TNS3: variants seen among roughly 807,000 people sequenced by gnomAD.
TNS3 encodes tensin-3.
Under a neutral mutation model 140.9 loss-of-function variants are expected in TNS3, and 45 were observed. That is an observed-to-expected ratio of 0.32 (90% CI 0.25 to 0.41). The LOEUF (loss-of-function observed/expected upper bound fraction) is 0.41, where lower values mean the gene tolerates loss of function less well. TNS3 is among the 10% of genes least tolerant of loss of function. The pLI is 1.00. For synonymous variants in TNS3, 815 were observed against 788.4 expected (o/e 1.03, Z -0.56); for missense variants, 1,716 against 1,906.7 (o/e 0.90, Z 1.86).
chr7:47,413,854 C>A (rs191442586), intron 12 of TNS3, 83 bp downstream of exon 12: 3 of 1,529,256 alleles, frequency 2.0e-6, no homozygotes, highest in East Asian at 4.5e-5. Flanking sequence ...ACTCTTCCTG[C>A]GGGACAGGCA....
chr7:47,571,533 C>T (rs1401645575), intron 1 of TNS3, among the ~76,000 whole-genome samples: 11 of 102,920 alleles, frequency 1.1e-4, no homozygotes, highest in Non-Finnish European at 2.1e-4. Flanking sequence ...GAGGCGAAAC[C>T]GTGCAGAAAA....
chr7:47,352,132 TACAC>T (rs1789715469), intron 17 of TNS3, among the ~76,000 whole-genome samples: 1 of 151,208 alleles, frequency 6.6e-6, no homozygotes, highest in South Asian at 2.1e-4. Context: ...CACACACTCT[TACAC>T]TCACACACCC....
intron 20 of TNS3, among the ~76,000 whole-genome samples, chr7:47,328,554 C>T (rs1045484695): frequency 2.6e-5 from 4 of 152,048 alleles, no homozygotes; most frequent in Non-Finnish European, 4.4e-5. Context: ...GAGAGGCTTC[C>T]AGCAACTAGC....
intron 8 of TNS3, among the ~76,000 whole-genome samples, chr7:47,430,011 A>G (rs1794848390): frequency 6.6e-6 from 1 of 152,246 alleles, no homozygotes; most frequent in Admixed American, 6.5e-5. Flanking sequence ...ACCTACAAAG[A>G]AACAACACCT....
At chr7:47,442,923 C>G (rs929314533) in intron 4 of TNS3, among the ~76,000 whole-genome samples, 1 of 152,216 alleles carries the variant, frequency 6.6e-6, no homozygotes, top group African/African-American at 2.4e-5. Flanking sequence ...TGCAGCTCAC[C>G]TGGACTCCTT....
chr7:47,537,530 A>G (rs1343855807), intron 1 of TNS3, among the ~76,000 whole-genome samples: 1 of 151,956 alleles, frequency 6.6e-6, no homozygotes, highest in Non-Finnish European at 1.5e-5. Context: ...TGCAGCCGCC[A>G]TCTGATTGGA....
chr7:47,389,775 G>A (rs893870075), intron 16 of TNS3, among the ~76,000 whole-genome samples: 4 of 152,226 alleles, frequency 2.6e-5, no homozygotes, highest in Non-Finnish European at 4.4e-5. Flanking sequence ...CTGCGATCAC[G>A]CCTGCAAGGG....
chr7:47,286,310 A>C (rs1785418227), intron 27 of TNS3, among the ~76,000 whole-genome samples: 1 of 152,166 alleles, frequency 6.6e-6, no homozygotes, highest in South Asian at 2.1e-4. Context: ...TCTCTCCCCA[A>C]ATGCAGGAAC....
chr7:47,517,114 T>C (rs1162698024), intron 2 of TNS3, among the ~76,000 whole-genome samples: 1 of 152,212 alleles, frequency 6.6e-6, no homozygotes, highest in Non-Finnish European at 1.5e-5. Flanking sequence ...CAATTCAGCC[T>C]GGTGTACTTA....
At chr7:47,462,750 C>T (rs1345096184) in intron 4 of TNS3, among the ~76,000 whole-genome samples, 1 of 152,118 alleles carries the variant, frequency 6.6e-6, no homozygotes, top group Non-Finnish European at 1.5e-5. Flanking sequence ...GAGGGACCAT[C>T]GACTTTTCTA....
intron 3 of TNS3, among the ~76,000 whole-genome samples, chr7:47,500,160 C>T (rs1461809323): frequency 6.6e-6 from 1 of 152,216 alleles, no homozygotes; most frequent in Non-Finnish European, 1.5e-5. Context: ...GAATCAGACT[C>T]TCATTTCGTC....
intron 8 of TNS3, among the ~76,000 whole-genome samples, chr7:47,432,701 G>A (rs891687670): frequency 1.3e-5 from 2 of 152,328 alleles, no homozygotes; most frequent in African/African-American, 4.8e-5. Context: ...TGCATTGTGG[G>A]TGGAAGCAGC....
chr7:47,470,039 C>T (rs998743449), intron 4 of TNS3, among the ~76,000 whole-genome samples: 9 of 131,788 alleles, frequency 6.8e-5, no homozygotes, highest in African/African-American at 2.3e-4. Context: ...AACCCATAAA[C>T]AAGAACGAAA....
intron 1 of TNS3, among the ~76,000 whole-genome samples, chr7:47,564,700 C>CATAT (rs59961931): frequency 2.9e-4 from 41 of 143,236 alleles, no homozygotes; most frequent in South Asian, 6.6e-4. Flanking sequence ...AAAATTTATT[C>CATAT]ATATATATAT....
intron 6 of TNS3, among the ~76,000 whole-genome samples, chr7:47,438,153 G>T (rs1011361278): frequency 6.6e-6 from 1 of 152,216 alleles, no homozygotes; most frequent in African/African-American, 2.4e-5. Context: ...AGTGGAGGGT[G>T]GGGGCTTGTC....
intron 20 of TNS3, among the ~76,000 whole-genome samples, chr7:47,315,495 C>T (rs780954444): frequency 1.3e-5 from 2 of 152,206 alleles, no homozygotes; most frequent in African/African-American, 2.4e-5. Context: ...GGTCACGGGC[C>T]CTTTTCCAAA....
At chr7:47,299,618 G>A (rs1267546950) in intron 23 of TNS3, among the ~76,000 whole-genome samples, 3 of 152,320 alleles carry the variant, frequency 2.0e-5, no homozygotes, top group Non-Finnish European at 2.9e-5. Flanking sequence ...GAGGGAACAC[G>A]GGCTTTGCTC....
At chr7:47,498,644 G>A (rs1044822881) in intron 3 of TNS3, among the ~76,000 whole-genome samples, 1 of 152,048 alleles carries the variant, frequency 6.6e-6, no homozygotes, top group African/African-American at 2.4e-5. Context: ...GCCTCTTTTT[G>A]GGGCAGGGCT....
intron 8 of TNS3, among the ~76,000 whole-genome samples, chr7:47,430,573 C>A (rs187672077): frequency 1.5e-3 from 232 of 152,246 alleles, no homozygotes; most frequent in Non-Finnish European, 2.6e-3. Flanking sequence ...GCACTTTAGA[C>A]CAAATAGACC....
Sources: gnomAD v4.1 joint callset for allele counts (sites outside exome capture counted in the v4.1 genomes callset) on GRCh38, gnomAD v4.1.1 for gene constraint, MANE v1.5 for transcripts, NCBI Gene and HGNC (gene_info 2026-07-23, HGNC 2026-07-21) for gene names.